The following EEF1AKMT2 variants were observed in gnomAD, a reference collection of about 807,000 sequenced individuals.
EEF1AKMT2 encodes the protein EEF1A lysine methyltransferase 2, also known as eukaryotic translation elongation factor 1 alpha lysine methyltransferase 2.
A neutral mutation model predicts 35.8 loss-of-function variants in EEF1AKMT2; 32 were observed. The observed-to-expected ratio is 0.89, with a 90% CI of 0.67 to 1.20. EEF1AKMT2 has a LOEUF of 1.20. Among genes scored for constraint, EEF1AKMT2 ranks in the 50% most tolerant of loss-of-function variants. The pLI, the probability that EEF1AKMT2 is intolerant of heterozygous loss-of-function variation, is 0.00. For missense variants in EEF1AKMT2, 330 were observed against 347.5 expected (o/e 0.95, Z 0.40); for synonymous variants, 121 against 133.7 (o/e 0.91, Z 0.65).
intron 4 of EEF1AKMT2, among the ~76,000 whole-genome samples, chr10:124,770,080 T>C (rs11245362): frequency 0.74 from 112,138 of 151,816 alleles, 41,608 homozygotes; most frequent in South Asian, 0.85. Flanking sequence ...ATCAAGAGTT[T>C]GATACCACCC....
At chr10:124,785,012 G>A (rs1467223922) in intron 3 of EEF1AKMT2, among the ~76,000 whole-genome samples, 1 of 151,556 alleles carries the variant, frequency 6.6e-6, no homozygotes, top group Non-Finnish European at 1.5e-5. Context: ...ACTTTGGGGA[G>A]CCAAGGGGGG....
At chr10:124,762,156 C>T (rs1411587680) in intron 6 of EEF1AKMT2, 144 bp downstream of exon 6, 8 of 503,486 alleles carry the variant, frequency 1.6e-5, no homozygotes, top group African/African-American at 6.1e-5. Context: ...AAGCTACTAA[C>T]GCCAATGCGC....
downstream of EEF1AKMT2, among the ~76,000 whole-genome samples, chr10:124,756,983 ATC>A (rs1345344481): frequency 1.3e-5 from 2 of 152,104 alleles, no homozygotes; most frequent in East Asian, 1.9e-4. Flanking sequence ...TTCTATGGAC[ATC>A]TCTGTTTCCT....
At chr10:124,778,956 A>T (rs1038532613) in intron 3 of EEF1AKMT2, among the ~76,000 whole-genome samples, 1 of 152,194 alleles carries the variant, frequency 6.6e-6, no homozygotes, top group African/African-American at 2.4e-5. Flanking sequence ...GTAGCTGATC[A>T]ATGAAAAAGT....
chr10:124,768,900 G>C (rs2134125125), intron 4 of EEF1AKMT2, among the ~76,000 whole-genome samples: 1 of 151,964 alleles, frequency 6.6e-6, no homozygotes, highest in Non-Finnish European at 1.5e-5. Flanking sequence ...GAGCAATTGA[G>C]ATAACAAGAA....
Position 124,779,215 on chromosome 10 carries a change from C to T in EEF1AKMT2, c.292-4433G>A, listed in dbSNP as rs148254272. 7.0e-4 allele frequency among the ~76,000 whole-genome samples: 107 copies of T among 152,234 alleles called. 1 individual carries two copies. In the East Asian group the frequency reaches 0.019, roughly 27 times the overall value. ...GCGTGATCACAGCTCACTGCAGCCTCAACCTCCCCAGGCTCAAGCGATTCT... is the reference window on the plus strand; with the variant it reads ...GCGTGATCACAGCTCACTGCAGCCTTAACCTCCCCAGGCTCAAGCGATTCT... On this transcript the variant is annotated intron_variant, in intron 3 of 6. Coordinates refer to ENST00000368836, the MANE Select transcript of EEF1AKMT2 (RefSeq NM_212554.4).
In EEF1AKMT2 at chr10:124,791,856, C is replaced by A. The variant is rs761688722; in HGVS notation, c.-23G>T. On this transcript the variant is annotated 5_prime_UTR_variant, in exon 1 of 7. Coordinates refer to ENST00000368836, the MANE Select transcript of EEF1AKMT2 (RefSeq NM_212554.4). ...CATTTCGCTCCACGTCCTGGACGGC[C>A]GTTGGGGCCGCCATAGAGACGGGGC... The A allele has an allele frequency of 6.5e-7, 1 of 1,544,760 alleles. No homozygotes were observed. Among genetic ancestry groups the A allele is most frequent in the Non-Finnish European group, 8.7e-7 (1 of 1,151,406 alleles).
intron 3 of EEF1AKMT2, among the ~76,000 whole-genome samples, chr10:124,785,107 C>T (rs1312883723): frequency 6.6e-6 from 1 of 151,422 alleles, no homozygotes; most frequent in Non-Finnish European, 1.5e-5. Context: ...ATTAGCCAGG[C>T]GTGGTGTTGC....
chr10:124,765,814 G>C (rs973549289), intron 4 of EEF1AKMT2: 2 of 499,164 alleles, frequency 4.0e-6, no homozygotes, highest in Non-Finnish European at 3.5e-6. Context: ...AGAGAGACTG[G>C]TATTTCCTGA....
chr10:124,786,517 A>G (rs1950585746), intron 3 of EEF1AKMT2, among the ~76,000 whole-genome samples: 1 of 151,250 alleles, frequency 6.6e-6, no homozygotes, highest in South Asian at 2.1e-4. Context: ...AAAAAAAAAA[A>G]AAGAAGTTCA....
chr10:124,756,384 G>A (rs1950287429), downstream of EEF1AKMT2, among the ~76,000 whole-genome samples: 1 of 152,194 alleles, frequency 6.6e-6, no homozygotes, highest in Non-Finnish European at 1.5e-5. Context: ...CATTCTGCCA[G>A]CCTATACATT....
chr10:124,790,438 G>T, intron 1 of EEF1AKMT2, 100 bp from the exon 2 acceptor site: 9 of 835,396 alleles, frequency 1.1e-5, no homozygotes, highest in Middle Eastern at 2.5e-4. Flanking sequence ...TATGACAGAG[G>T]TTTAAACATC....
At chr10:124,786,764 C>T (rs536832278) in intron 3 of EEF1AKMT2, among the ~76,000 whole-genome samples, 13 of 151,722 alleles carry the variant, frequency 8.6e-5, no homozygotes, top group African/African-American at 1.9e-4. Context: ...GAGCTGAGAT[C>T]GCACCACTGC....
chr10:124,791,043 G>T (rs1387035417), intron 1 of EEF1AKMT2, among the ~76,000 whole-genome samples: 2 of 151,898 alleles, frequency 1.3e-5, no homozygotes, highest in Non-Finnish European at 2.9e-5. Flanking sequence ...GATTACAGGC[G>T]TAAGCCACCA....
chr10:124,776,579 G>C (rs1402386297), intron 3 of EEF1AKMT2, among the ~76,000 whole-genome samples: 1 of 152,100 alleles, frequency 6.6e-6, no homozygotes, highest in East Asian at 1.9e-4. Flanking sequence ...CCTGAGGTCA[G>C]GAGTTCAAGA....
In EEF1AKMT2 at chr10:124,791,825, C is replaced by T; in HGVS notation, c.9G>A (p.Ser3=). ...CAGCGCCACCGCCGCCGTCAGCGCCCGAGCTCATTTCGCTCCACGTCCTGG... is the reference window on the plus strand; with the variant it reads ...CAGCGCCACCGCCGCCGTCAGCGCCTGAGCTCATTTCGCTCCACGTCCTGG... MS[S]GADGGGGAAV... Residue 3 remains serine, a synonymous_variant, in exon 1 of 7, where the codon TCG becomes TCA. Transcript: ENST00000368836. 6.3e-7 allele frequency: 1 copy of T among 1,579,958 alleles called. No individual in the cohort carries two copies. Among genetic ancestry groups the T allele is most frequent in the Non-Finnish European group, 8.6e-7 (1 of 1,169,112 alleles).
chr10:124,785,246 C>CAAAAAAAAAAAAAAAAA (rs35915292), intron 3 of EEF1AKMT2, among the ~76,000 whole-genome samples: 1 of 61,378 alleles, frequency 1.6e-5, no homozygotes, highest in Admixed American at 2.3e-4. Context: ...GACTCCGTCT[C>CAAAAAAAAAAAAAAAAA]AAAAAAAAAA....
chr10:124,777,515 TAAAG>T, intron 3 of EEF1AKMT2, among the ~76,000 whole-genome samples: 1 of 151,712 alleles, frequency 6.6e-6, no homozygotes, highest in Non-Finnish European at 1.5e-5. Flanking sequence ...TCTGTGTACC[TAAAG>T]ATTTTTTTTT....
At chr10:124,760,666 T>C (rs1950323057) in intron 6 of EEF1AKMT2, among the ~76,000 whole-genome samples, 163 bp from the exon 7 acceptor site, 1 of 152,242 alleles carries the variant, frequency 6.6e-6, no homozygotes, top group African/African-American at 2.4e-5. Context: ...TTCTACTATG[T>C]ATGTACAGCA....
Sources: allele counts gnomAD v4.1 joint callset (sites outside exome capture counted in the v4.1 genomes callset), GRCh38; gene constraint gnomAD v4.1.1; transcripts MANE v1.5; gene names NCBI Gene and HGNC (gene_info 2026-07-23, HGNC 2026-07-21).